The following CLYBL variants were observed in gnomAD, a reference collection of about 807,000 sequenced individuals.
CLYBL encodes citramalyl-CoA lyase, mitochondrial.
Under a neutral mutation model 38.9 loss-of-function variants are expected in CLYBL, and 31 were observed. The ratio of observed to expected loss-of-function variants is 0.80; its 90% confidence interval spans 0.60 to 1.08. The LOEUF (loss-of-function observed/expected upper bound fraction) is 1.08. Ranked by LOEUF, CLYBL falls within the 50% of genes least tolerant of loss-of-function variation. CLYBL has a pLI of 0.00. For synonymous variants in CLYBL, 171 were observed against 158.6 expected (o/e 1.08, Z -0.59); for missense variants, 434 against 411.6 (o/e 1.05, Z -0.47).
chr13:99,624,103 C>CCTGTTTGGAACAGAGGA (rs141666137), intron 1 of CLYBL, among the ~76,000 whole-genome samples: 38,912 of 152,052 alleles, frequency 0.26, 6,132 homozygotes, highest in East Asian at 0.58. Flanking sequence ...ACAGGGGTAA[C>CCTGTTTGGAACAGAGGA]CACCTGAAGC....
At chr13:99,658,250 C>T (rs2047357775) in intron 1 of CLYBL, among the ~76,000 whole-genome samples, 1 of 152,238 alleles carries the variant, frequency 6.6e-6, no homozygotes, top group Non-Finnish European at 1.5e-5. Context: ...GCTTCATCCG[C>T]AGGCCCACTC....
intron 1 of CLYBL, among the ~76,000 whole-genome samples, chr13:99,669,405 G>A (rs1267086213): frequency 6.6e-6 from 1 of 152,070 alleles, no homozygotes; most frequent in African/African-American, 2.4e-5. Context: ...CTAGCCATTT[G>A]CAAAAATTCC....
At chr13:99,677,251 A>C (rs2047667024) in intron 1 of CLYBL, among the ~76,000 whole-genome samples, 2 of 152,208 alleles carry the variant, frequency 1.3e-5, no homozygotes, top group African/African-American at 2.4e-5. Flanking sequence ...TAGCTGCATA[A>C]AAATATCCAA....
At chr13:99,807,756 T>C (rs1472842848) in intron 2 of CLYBL, among the ~76,000 whole-genome samples, 1 of 152,116 alleles carries the variant, frequency 6.6e-6, no homozygotes, top group African/African-American at 2.4e-5. Flanking sequence ...TTACTGCCAG[T>C]GTACACTCTA....
At chr13:99,680,804 T>G (rs2047723620) in intron 1 of CLYBL, among the ~76,000 whole-genome samples, 2 of 152,192 alleles carry the variant, frequency 1.3e-5, no homozygotes. Context: ...TCTTTGGCCT[T>G]AGGACAGACC....
At chr13:99,744,496 C>A (rs991791534) in intron 1 of CLYBL, among the ~76,000 whole-genome samples, 1 of 152,108 alleles carries the variant, frequency 6.6e-6, no homozygotes, top group Non-Finnish European at 1.5e-5. Flanking sequence ...ATCTGAGCGG[C>A]CAGCAGTCTG....
At chr13:99,674,746 G>A (rs1350925086) in intron 1 of CLYBL, among the ~76,000 whole-genome samples, 1 of 152,170 alleles carries the variant, frequency 6.6e-6, no homozygotes, top group Non-Finnish European at 1.5e-5. Context: ...GAAGTCATGA[G>A]CAGTAAGATA....
chr13:99,814,807 G>A (rs180679702), intron 2 of CLYBL, among the ~76,000 whole-genome samples: 15 of 151,938 alleles, frequency 9.9e-5, no homozygotes, highest in African/African-American at 3.4e-4. Context: ...GAGGCAGGAG[G>A]ATTGCTTGAG....
At chr13:99,806,886 G>T (rs187304921) in intron 2 of CLYBL, among the ~76,000 whole-genome samples, 2 of 152,320 alleles carry the variant, frequency 1.3e-5, no homozygotes, top group Admixed American at 1.3e-4. Flanking sequence ...GTTCACACAT[G>T]GGTGTGATCT....
At chr13:99,871,132 T>G in intron 7 of CLYBL, 70 bp downstream of exon 7, 1 of 1,543,178 alleles carries the variant, frequency 6.5e-7, no homozygotes. Context: ...GAAACAAATA[T>G]GTTGTGTGAA....
chr13:99,847,139 G>A (rs116498896), intron 2 of CLYBL, among the ~76,000 whole-genome samples: 56 of 152,256 alleles, frequency 3.7e-4, no homozygotes, highest in African/African-American at 1.3e-3. Context: ...CAGGTGACAC[G>A]TCTGTTATCT....
At chr13:99,805,721 A>T (rs960907536) in intron 2 of CLYBL, among the ~76,000 whole-genome samples, 1 of 152,196 alleles carries the variant, frequency 6.6e-6, no homozygotes, top group Admixed American at 6.5e-5. Context: ...CTTGTCAGGT[A>T]CTTAACATTT....
chr13:99,905,072 G>C lies in CLYBL; in HGVS notation c.*25-198G>C, dbSNP rs564292012. On this transcript the variant is annotated intron_variant and NMD_transcript_variant, in intron 8 of 9. Coordinates refer to the CLYBL transcript ENST00000689673. ...CTGCTCACAGGTCTCAGAGGGAAAGGGGGTGCTTCACACTGGAGGGTCTGG... is the reference window on the plus strand; with the variant it reads ...CTGCTCACAGGTCTCAGAGGGAAAGCGGGTGCTTCACACTGGAGGGTCTGG... Among the ~76,000 whole-genome samples the C allele has an allele frequency of 6.5e-4, 99 of 152,140 alleles. No individual in the cohort carries two copies. The South Asian group carries it at 0.018, about 28-fold the overall frequency.
rs781221329 is a variant in CLYBL, at chr13:99,772,845, T to C, written c.84T>C (p.Asp28=). ...GCAGGAAAGCGTCTCTAGCAGCTGA[T>C]ATCCCCAGACTTGGATATAGTTCCT... The part of the protein sequence containing the change: ...LLRLKASLAA[D]IPRLGYSSSS... The change falls in exon 2 of 9, where the codon GAT becomes GAC. Residue 28 remains aspartate, a synonymous_variant. Transcript: ENST00000339105. 2 of 1,601,288 alleles carry C rather than the reference T, an allele frequency of 1.2e-6. No homozygotes were observed. The highest frequency in any genetic ancestry group is 1.1e-5 in the South Asian group (1 of 87,578).
chr13:99,908,391 C>T (rs904148557), exon 10 of CLYBL, among the ~76,000 whole-genome samples: 1 of 152,206 alleles, frequency 6.6e-6, no homozygotes, highest in Non-Finnish European at 1.5e-5. Flanking sequence ...AAAGAAAGAC[C>T]AGAAGCCAAG....
intron 2 of CLYBL, among the ~76,000 whole-genome samples, chr13:99,835,856 T>C (rs1441140322): frequency 1.3e-5 from 2 of 152,148 alleles, no homozygotes; most frequent in Non-Finnish European, 2.9e-5. Flanking sequence ...AAGGTATCAC[T>C]GTGCACAGTT....
At chr13:99,733,106 A>C (rs2793745) in intron 1 of CLYBL, among the ~76,000 whole-genome samples, 148,160 of 152,302 alleles carry the variant, frequency 0.97, 72,218 homozygotes, top group East Asian at 1. Flanking sequence ...AGAAAAAGTA[A>C]TTCCTAAAAT....
At chr13:99,762,156 GT>G (rs1039265168) in intron 1 of CLYBL, among the ~76,000 whole-genome samples, 33 of 151,882 alleles carry the variant, frequency 2.2e-4, no homozygotes, top group African/African-American at 7.7e-4. Flanking sequence ...CTGCGCAGAA[GT>G]TTTTTTTAGC....
In CLYBL at chr13:99,737,811, G is replaced by A. The variant is rs189958071; in HGVS notation, c.63-35013G>A. ...CTGTAAGCTGAATGTGATAAGGGAG[G>A]CAAACTGCACCACAGTGAAGTCCTC... On this transcript the variant is annotated intron_variant, in intron 1 of 8. Coordinates refer to ENST00000339105, the MANE Select transcript of CLYBL (RefSeq NM_206808.5). 5.9e-5 allele frequency among the ~76,000 whole-genome samples: 9 copies of A among 152,294 alleles called. No homozygotes were observed. The East Asian group carries it at 1.7e-3, about 29-fold the overall frequency.
Sources: allele counts gnomAD v4.1 joint callset (sites outside exome capture counted in the v4.1 genomes callset), GRCh38; gene constraint gnomAD v4.1.1; transcripts MANE v1.5; gene names NCBI Gene and HGNC (gene_info 2026-07-23, HGNC 2026-07-21).